The following ADCY9 variants were observed in gnomAD, a reference collection of about 807,000 sequenced individuals.
The protein encoded by ADCY9 is adenylate cyclase type 9.
Under a neutral mutation model 101.5 loss-of-function variants are expected in ADCY9, and 50 were observed. That is an observed-to-expected ratio of 0.49 (90% CI 0.39 to 0.62). The LOEUF (loss-of-function observed/expected upper bound fraction) is 0.62. Among genes scored for constraint, ADCY9 ranks in the 20% least tolerant of loss-of-function variants. The pLI is 0.00. For synonymous variants in ADCY9, 905 were observed against 769.3 expected, an observed-to-expected ratio of 1.18 and a Z score of -2.92; for missense variants, 1,662 against 1,800.4, an observed-to-expected ratio of 0.92 and a Z score of 1.39.
At chr16:4,051,879 T>C (rs1017803912) in intron 2 of ADCY9, among the ~76,000 whole-genome samples, 3 of 152,164 alleles carry the variant, frequency 2.0e-5, no homozygotes, top group Non-Finnish European at 4.4e-5. Flanking sequence ...GCAAAAAGCT[T>C]AATGAGAAAC....
At chr16:4,079,998 T>C (rs966552243) in intron 2 of ADCY9, among the ~76,000 whole-genome samples, 5 of 152,142 alleles carry the variant, frequency 3.3e-5, no homozygotes, top group African/African-American at 1.2e-4. Flanking sequence ...AAGTCACACA[T>C]TCCTTAAAGC....
At chr16:4,008,596 G>C (rs1597161579) in intron 2 of ADCY9, among the ~76,000 whole-genome samples, 4 of 150,094 alleles carry the variant, frequency 2.7e-5, no homozygotes, top group African/African-American at 9.8e-5. Flanking sequence ...AATTGAGATG[G>C]AGTCTCACTC....
chr16:3,998,436 C>A (rs541055388), intron 3 of ADCY9, among the ~76,000 whole-genome samples: 3 of 151,826 alleles, frequency 2.0e-5, no homozygotes, highest in East Asian at 1.9e-4. Context: ...AGAAGCCAGG[C>A]GCAGTGGCTC....
chr16:3,982,686 G>C (rs1193484275), intron 7 of ADCY9: 1 of 154,896 alleles, frequency 6.5e-6, no homozygotes, highest in African/African-American at 2.4e-5. Flanking sequence ...TGATCTGCAA[G>C]TGTTCCCTCC....
chr16:3,992,585 G>A lies in ADCY9; in HGVS notation c.1990-222C>T, dbSNP rs1193301393. 6.6e-6 allele frequency among the ~76,000 whole-genome samples: 1 copy of A among 152,136 alleles called. No individual in the cohort carries two copies. The highest frequency in any genetic ancestry group is 1.9e-4 in the East Asian group (1 of 5,184). On this transcript the variant is annotated intron_variant, in intron 4 of 10. Transcript: ENST00000294016. This position sits in a 1 kb window ranked among gnomAD's most constrained non-coding sequence, Gnocchi z 4.2. Reference sequence around the variant, plus strand: ...TTCCTGTTACCCAACAGTGCCCAGTGGTAACGCTGGGTGTTCAGGCTGCCA... The same window carrying A: ...TTCCTGTTACCCAACAGTGCCCAGTAGTAACGCTGGGTGTTCAGGCTGCCA...
chr16:4,007,678 G>T, intron 2 of ADCY9, 120 bp from the exon 3 acceptor site: 1 of 810,568 alleles, frequency 1.2e-6, no homozygotes. Context: ...GTGAAAATGT[G>T]AATAGGTCAT....
intron 2 of ADCY9, among the ~76,000 whole-genome samples, chr16:4,014,221 A>T (rs560400859): frequency 6.6e-6 from 1 of 151,376 alleles, no homozygotes; most frequent in Admixed American, 6.6e-5. Context: ...CAGGAGGTTG[A>T]GGCAGGAGAA....
In ADCY9 at chr16:4,047,801, C is replaced by T. The variant is rs188231886; in HGVS notation, c.1694-40243G>A. 8.0e-4 allele frequency among the ~76,000 whole-genome samples: 122 copies of T among 152,304 alleles called. 1 individual carries two copies. The highest frequency in any genetic ancestry group is 2.8e-3 in the African/African-American group (115 of 41,556). On this transcript the variant is annotated intron_variant, in intron 2 of 10. Transcript: ENST00000294016. ...CTCGAACTCCTGACCTCAGGTGATC[C>T]GCCCGCCTCGGCCTCCCAAAGTGCT...
At chr16:3,994,295 G>T (rs1243899463) in intron 3 of ADCY9, among the ~76,000 whole-genome samples, 1 of 152,128 alleles carries the variant, frequency 6.6e-6, no homozygotes, top group Non-Finnish European at 1.5e-5. Flanking sequence ...CCAGAACCCT[G>T]AGAAATACAT....
chr16:4,018,037 C>T (rs1221725409), intron 2 of ADCY9, among the ~76,000 whole-genome samples: 1 of 152,170 alleles, frequency 6.6e-6, no homozygotes, highest in African/African-American at 2.4e-5. Flanking sequence ...CCTTTTCATC[C>T]AGGAGGAGAT....
chr16:4,085,828 A>T (rs1178613252), intron 2 of ADCY9, among the ~76,000 whole-genome samples: 1 of 152,038 alleles, frequency 6.6e-6, no homozygotes, highest in Non-Finnish European at 1.5e-5. Flanking sequence ...ACATCGGTGC[A>T]GGCTCGAGAG....
At chr16:4,078,695 G>T (rs1455889937) in intron 2 of ADCY9, among the ~76,000 whole-genome samples, 1 of 151,882 alleles carries the variant, frequency 6.6e-6, no homozygotes, top group Non-Finnish European at 1.5e-5. Flanking sequence ...ATGATTGATA[G>T]ATAAGACCAA....
At chr16:4,028,796 T>C (rs1007005925) in intron 2 of ADCY9, among the ~76,000 whole-genome samples, 2 of 152,118 alleles carry the variant, frequency 1.3e-5, no homozygotes, top group Admixed American at 1.3e-4. Flanking sequence ...TTCTTTTTTT[T>C]TTCTTTGAGA....
chr16:3,986,286 C>T (rs187013351), intron 6 of ADCY9, among the ~76,000 whole-genome samples: 4 of 152,338 alleles, frequency 2.6e-5, no homozygotes, highest in South Asian at 2.1e-4. Flanking sequence ...TCCCCAAACG[C>T]GGGCCAGCTG....
chr16:4,097,555 T>TATATATATATATATATATA (rs1567147091), intron 2 of ADCY9, among the ~76,000 whole-genome samples: 1 of 55,068 alleles, frequency 1.8e-5, no homozygotes, highest in African/African-American at 1.2e-4. Context: ...ATATATATAT[T>TATATATATATATATATATA]TTTTTTTTTT....
intron 2 of ADCY9, among the ~76,000 whole-genome samples, chr16:4,112,914 A>C (rs1443687292): frequency 6.6e-6 from 1 of 152,112 alleles, no homozygotes; most frequent in African/African-American, 2.4e-5. Context: ...CTTTTGTCCT[A>C]TATTAGAAAA....
intron 2 of ADCY9, among the ~76,000 whole-genome samples, chr16:4,078,049 T>C (rs1404079427): frequency 6.6e-6 from 1 of 151,272 alleles, no homozygotes; most frequent in Non-Finnish European, 1.5e-5. Flanking sequence ...AAGTGTCCAG[T>C]TACAAAGAAA....
chr16:3,974,000 T>TA (rs1425163833), intron 10 of ADCY9, among the ~76,000 whole-genome samples: 2 of 152,230 alleles, frequency 1.3e-5, no homozygotes, highest in African/African-American at 4.8e-5. Flanking sequence ...CTGTTTATAG[T>TA]AAAGCAAGGG....
chr16:4,036,294 G>C (rs2056588949), intron 2 of ADCY9, among the ~76,000 whole-genome samples: 1 of 151,928 alleles, frequency 6.6e-6, no homozygotes, highest in African/African-American at 2.4e-5. Flanking sequence ...GTTTTGAGCA[G>C]AATGCTTTTT....
Sources: gnomAD v4.1 joint callset for allele counts (sites outside exome capture counted in the v4.1 genomes callset) on GRCh38, gnomAD v4.1.1 for gene constraint, Gnocchi (gnomAD v3.1) non-coding constraint, MANE v1.5 for transcripts, NCBI Gene and HGNC (gene_info 2026-07-23, HGNC 2026-07-21) for gene names.